MCF2L: variants seen among roughly 807,000 people sequenced by gnomAD.
MCF2L encodes guanine nucleotide exchange factor DBS.
In MCF2L, 97 loss-of-function variants were observed where a neutral mutation model predicts 153.4. The observed-to-expected ratio is 0.63, with a 90% CI of 0.54 to 0.75. The LOEUF (loss-of-function observed/expected upper bound fraction) is 0.75. Ranked by LOEUF, MCF2L falls within the 30% of genes least tolerant of loss-of-function variation. The pLI is 0.00. For missense variants in MCF2L, 1,347 were observed against 1,495.2 expected (o/e 0.90, Z 1.64); for synonymous variants, 659 against 632.2 (o/e 1.04, Z -0.64).
chr13:113,044,502 G>T, intron 3 of MCF2L: 1 of 801,758 alleles, frequency 1.2e-6, no homozygotes, highest in Non-Finnish European at 2.0e-6. Flanking sequence ...AGACTTGGAA[G>T]TTAGCGATTC....
intron 26 of MCF2L, 96 bp downstream of exon 26, chr13:113,089,824 TGTG>T: frequency 1.2e-6 from 2 of 1,607,072 alleles, no homozygotes; most frequent in Non-Finnish European, 1.7e-6. Context: ...CTTCCTGCAG[TGTG>T]AAGAAGCTTT....
chr13:113,032,060 A>G (rs2993316), intron 3 of MCF2L, among the ~76,000 whole-genome samples: 110,513 of 152,108 alleles, frequency 0.73, 40,294 homozygotes, highest in East Asian at 0.85. Flanking sequence ...GGGAGGGTGC[A>G]TGTGGGACGC....
intron 2 of MCF2L, among the ~76,000 whole-genome samples, chr13:112,921,321 C>T (rs796961225): frequency 1.1e-4 from 17 of 152,306 alleles, no homozygotes; most frequent in Middle Eastern, 3.4e-3. Flanking sequence ...TGCCTAACAA[C>T]GCAGAATTCA....
chr13:112,915,638 T>A (rs2081284087), intron 2 of MCF2L, among the ~76,000 whole-genome samples: 1 of 152,068 alleles, frequency 6.6e-6, no homozygotes, highest in Non-Finnish European at 1.5e-5. Context: ...GTGTACCTTT[T>A]CCTAGGAACC....
In MCF2L at chr13:112,998,591, G is replaced by T. The variant is rs144237848; in HGVS notation, c.80-16172G>T. 4.7e-3 allele frequency among the ~76,000 whole-genome samples: 718 copies of T among 152,320 alleles called. 3 individuals carry two copies. Among genetic ancestry groups the T allele is most frequent in the Non-Finnish European group, 7.0e-3 (474 of 68,024 alleles). On this transcript the variant is annotated intron_variant, in intron 1 of 29. Transcript: ENST00000535094. ...CTTTCCTGGGGGATGGGATGGTCGTGTGTTCAAAATGTGTGTCCCTGGGGA... is the reference window on the plus strand; with the variant it reads ...CTTTCCTGGGGGATGGGATGGTCGTTTGTTCAAAATGTGTGTCCCTGGGGA...
At chr13:112,928,159 G>A (rs1045024439) in intron 2 of MCF2L, among the ~76,000 whole-genome samples, 4 of 152,218 alleles carry the variant, frequency 2.6e-5, no homozygotes, top group Non-Finnish European at 5.9e-5. Flanking sequence ...GTGCTGTCTG[G>A]GGTTTGCCTT....
rs911475173 is a variant in MCF2L, at chr13:112,951,657, C to A, written c.169+49286C>A. Among the ~76,000 whole-genome samples, 18 of 152,180 alleles carry A rather than the reference C, an allele frequency of 1.2e-4. No individual in the cohort carries two copies. In the Middle Eastern group the frequency reaches 0.01, roughly 86 times the overall value. On this transcript the variant is annotated intron_variant, in intron 2 of 29. Transcript: ENST00000375608. The surrounding 1 kb of genome is among the most constrained non-coding windows in gnomAD (Gnocchi z 4.8). Reference sequence around the variant, plus strand: ...GAATAGTTCAGTGGTTGTGGGGGGTCCACGAGGGGTGATCTGGGAGGAACA... The same window carrying A: ...GAATAGTTCAGTGGTTGTGGGGGGTACACGAGGGGTGATCTGGGAGGAACA...
intron 1 of MCF2L, among the ~76,000 whole-genome samples, chr13:112,986,667 G>A (rs771255777): frequency 3.3e-5 from 5 of 152,220 alleles, no homozygotes; most frequent in Admixed American, 6.5e-5. Context: ...CCCCCTGAGG[G>A]AGGGAAGCCC....
chr13:112,985,897 C>T (rs1011127535), intron 1 of MCF2L, among the ~76,000 whole-genome samples: 3 of 152,112 alleles, frequency 2.0e-5, no homozygotes, highest in African/African-American at 7.2e-5. Flanking sequence ...ATGGGACACC[C>T]GGTGACGTGC....
chr13:113,059,160 C>T (rs116592237), intron 4 of MCF2L, among the ~76,000 whole-genome samples: 1,617 of 152,332 alleles, frequency 0.011, 29 homozygotes, highest in African/African-American at 0.037. Context: ...TTGGGGTGCG[C>T]GATCTAGAAT....
At chr13:112,967,308 T>G (rs930491363), upstream of MCF2L, among the ~76,000 whole-genome samples, 1 of 151,914 alleles carries the variant, frequency 6.6e-6, no homozygotes, top group South Asian at 2.1e-4. Flanking sequence ...TGTGCCGCCG[T>G]AGGCACCCTG....
intron 1 of MCF2L, among the ~76,000 whole-genome samples, chr13:112,981,394 C>T (rs542270475): frequency 7.3e-4 from 111 of 152,316 alleles, no homozygotes; most frequent in African/African-American, 2.4e-3. Flanking sequence ...GAGTGTCATC[C>T]GCTGTGAGTT....
intron 2 of MCF2L, among the ~76,000 whole-genome samples, chr13:112,903,743 T>C (rs1288555166): frequency 1.3e-5 from 2 of 152,192 alleles, no homozygotes; most frequent in African/African-American, 4.8e-5. Flanking sequence ...CTGAGCCTCT[T>C]GGGACCTCTC....
chr13:113,012,658 G>A (rs370424611), intron 1 of MCF2L, among the ~76,000 whole-genome samples: 3,051 of 78,672 alleles, frequency 0.039, 25 homozygotes, highest in East Asian at 0.15. Flanking sequence ...TGATGCGGAC[G>A]GTGGACAGGC....
At chr13:113,029,116 C>G (rs2085488146) in intron 3 of MCF2L, among the ~76,000 whole-genome samples, 1 of 152,150 alleles carries the variant, frequency 6.6e-6, no homozygotes, top group Non-Finnish European at 1.5e-5. Flanking sequence ...TCTTTGATAA[C>G]AAAACCCAAC....
At chr13:112,979,824 TGCGG>T (rs1300161492) in intron 1 of MCF2L, 1 of 1,432,636 alleles carries the variant, frequency 7.0e-7, no homozygotes, top group Non-Finnish European at 9.5e-7. Flanking sequence ...GTGTCCTCTC[TGCGG>T]GCAGGTGCCT....
rs775658961 is a variant in MCF2L at position 113,096,665 on chromosome 13, G to C, written c.3292+12G>C. 3 of 1,576,798 alleles carry C rather than the reference G, an allele frequency of 1.9e-6. No individual in the cohort carries two copies. Among genetic ancestry groups the C allele is most frequent in the East Asian group, 4.6e-5 (2 of 43,544 alleles). On this transcript the variant is annotated intron_variant, in intron 29 of 29. Transcript: ENST00000535094. ...CCTGAGCAGCTCAGGTAAGGCCCAC[G>C]TGCCCCGAGCCCACCCGTGACGCTG...
At chr13:112,954,431 C>T (rs1430475650) in intron 2 of MCF2L, among the ~76,000 whole-genome samples, 1 of 152,224 alleles carries the variant, frequency 6.6e-6, no homozygotes, top group Non-Finnish European at 1.5e-5. Context: ...GCTGTTGATG[C>T]CCTGCTTCCC....
intron 2 of MCF2L, among the ~76,000 whole-genome samples, chr13:112,921,668 A>G (rs1419884544): frequency 6.6e-6 from 1 of 152,236 alleles, no homozygotes; most frequent in Non-Finnish European, 1.5e-5. Context: ...CGACAGAGAC[A>G]CCCTCAAATT....
Sources: gnomAD v4.1 joint callset for allele counts (sites outside exome capture counted in the v4.1 genomes callset) on GRCh38, gnomAD v4.1.1 for gene constraint, Gnocchi (gnomAD v3.1) non-coding constraint, MANE v1.5 for transcripts, NCBI Gene and HGNC (gene_info 2026-07-23, HGNC 2026-07-21) for gene names.